Variants in ZNF625 observed in about 807,000 individuals in gnomAD.
ZNF625 encodes the protein zinc finger protein 625.
In ZNF625, 8 loss-of-function variants were observed where a neutral mutation model predicts 11.1. The observed-to-expected ratio is 0.72, with a 90% confidence interval of 0.42 to 1.30. The LOEUF (loss-of-function observed/expected upper bound fraction) is 1.30, where lower values mean the gene tolerates loss of function less well. Among genes scored for constraint, ZNF625 ranks in the 50% most tolerant of loss-of-function variants. The probability of loss-of-function intolerance (pLI) is 0.01; values close to 1 mark genes in which losing one functional copy is unlikely to be tolerated. For synonymous variants in ZNF625, 145 were observed against 153.4 expected (o/e 0.95, Z 0.41); for missense variants, 349 against 447.6 (o/e 0.78, Z 1.99).
At chr19:12,154,938 G>A (rs1599444729) in intron 1 of ZNF625, among the ~76,000 whole-genome samples, 3 of 152,094 alleles carry the variant, frequency 2.0e-5, no homozygotes, top group East Asian at 3.9e-4. Context: ...CAAAGAGGCC[G>A]GGCACAGTGG....
In ZNF625 at chr19:12,156,655, C is replaced by A. The variant is rs1408746701; in HGVS notation, c.-97G>T. The A allele has an allele frequency of 6.8e-6, 8 of 1,172,316 alleles. No homozygotes were observed. Among genetic ancestry groups the A allele is most frequent in the Non-Finnish European group, 6.5e-6 (6 of 928,348 alleles). 72.6% of individuals were successfully genotyped at this position (1,172,316 alleles called of 1,614,324 possible). A position where few individuals can be genotyped will look rare whatever the true frequency, so the allele number is the denominator to read the frequency against. On this transcript the variant is annotated 5_prime_UTR_variant, in exon 1 of 4. Transcript: ENST00000439556. ...GGAGCGACAGAAGCTATGGCGGAGG[C>A]ACCTGGTCCCTCTCGGGGCCGGAAA...
At chr19:12,156,177 G>A (rs950211519) in intron 1 of ZNF625, among the ~76,000 whole-genome samples, 4 of 152,030 alleles carry the variant, frequency 2.6e-5, no homozygotes, top group African/African-American at 9.7e-5. Flanking sequence ...GGGGGGACTG[G>A]GGACCCCGCA....
At chr19:12,149,283 C>CAA (rs747461916) in intron 1 of ZNF625, among the ~76,000 whole-genome samples, 14,227 of 64,192 alleles carry the variant, frequency 0.22, 1,720 homozygotes, top group African/African-American at 0.35. Context: ...GACTCAGTCT[C>CAA]AAAAAAAAAA....
At chr19:12,149,283 C>CAAAAAAAA (rs747461916) in intron 1 of ZNF625, among the ~76,000 whole-genome samples, 1 of 64,428 alleles carries the variant, frequency 1.6e-5, no homozygotes. Flanking sequence ...GACTCAGTCT[C>CAAAAAAAA]AAAAAAAAAA....
intron 1 of ZNF625, among the ~76,000 whole-genome samples, chr19:12,149,277 C>A: frequency 8.9e-6 from 1 of 111,878 alleles, no homozygotes; most frequent in Non-Finnish European, 1.6e-5. Context: ...GAGCAAGACT[C>A]AGTCTCAAAA....
chr19:12,146,427 T>G (rs118121483), intron 3 of ZNF625, among the ~76,000 whole-genome samples: 167 of 152,220 alleles, frequency 1.1e-3, no homozygotes, highest in Middle Eastern at 3.4e-3. Flanking sequence ...ATATAGGGCT[T>G]CTTAGTACTT....
At chr19:12,153,968 C>T (rs542666921) in intron 1 of ZNF625, among the ~76,000 whole-genome samples, 19 of 151,330 alleles carry the variant, frequency 1.3e-4, no homozygotes, top group Middle Eastern at 3.4e-3. Context: ...CCGCCATGTC[C>T]GGCTAATTTT....
rs774248305 is a variant in ZNF625 at position 12,145,270 on chromosome 19, C to T, written c.*27G>A. ...AACACATTTTTACCATGATTGGATT[C>T]GGTGGCTTCTAGGAATCTTATGTGA... is the stretch of plus-strand genomic sequence containing the variant. On this transcript the variant is annotated 3_prime_UTR_variant, in exon 4 of 4. Coordinates refer to ENST00000439556, the MANE Select transcript of ZNF625 (RefSeq NM_145233.4). 19 of 1,552,946 alleles carry T rather than the reference C, an allele frequency of 1.2e-5. No homozygotes were observed. Among genetic ancestry groups the T allele is most frequent in the South Asian group, 7.4e-5 (6 of 80,638 alleles).
At position 12,145,482 on chromosome 19, in the gene ZNF625, A is replaced by G. The variant is rs1976855447; in HGVS notation, c.934T>C (p.Phe312Leu). ...GTTCGAAGGTGCGAGGCAGATCTGA[A>G]GGCTTTCCCACATTGCTTACATTCA... is the stretch of plus-strand genomic sequence containing the variant. ...PYECKQCGKA[F>L]RSASHLRTHG... The change falls in exon 4 of 4, where the codon TTC becomes CTC. Residue 312 changes from phenylalanine (F) to leucine (L), a missense_variant. Phe to Leu is a conservative substitution (Grantham distance 22). Coordinates refer to ENST00000439556, the MANE Select transcript of ZNF625 (RefSeq NM_145233.4). 2 of 1,614,000 alleles carry G rather than the reference A, an allele frequency of 1.2e-6. No individual in the cohort carries two copies. The highest frequency in any genetic ancestry group is 2.7e-5 in the African/African-American group (2 of 74,914).
intron 1 of ZNF625, among the ~76,000 whole-genome samples, chr19:12,152,216 T>C (rs1039975612): frequency 1.3e-5 from 2 of 152,122 alleles, no homozygotes; most frequent in Non-Finnish European, 2.9e-5. Flanking sequence ...ATACTGTATA[T>C]AAATGCAACA....
intron 1 of ZNF625, among the ~76,000 whole-genome samples, chr19:12,155,781 T>G (rs1351130294): frequency 6.6e-6 from 1 of 152,204 alleles, no homozygotes; most frequent in Non-Finnish European, 1.5e-5. Flanking sequence ...ATTCATTTTT[T>G]TCAAACTCCT....
At position 12,146,211 on chromosome 19, in the gene ZNF625, C is replaced by T. The variant is rs1279132947; in HGVS notation, c.205G>A (p.Glu69Lys). The change falls in exon 4 of 4, where the codon GAG becomes AAG. Residue 69 changes from glutamate (E) to lysine (K), a missense_variant. Transcript: ENST00000439556. ...PRRNLRGLMG[E>K]RLLESKKDHQ... is the part of the protein sequence containing the mutation. The stretch of plus-strand genomic sequence containing the variant: ...TCTTTCTTACTTTCTAAGAGTCTCT[C>T]TCCCATAAGACCTCTGTGAACAATG... 1 of 1,613,648 alleles carries T rather than the reference C, an allele frequency of 6.2e-7. No individual in the cohort carries two copies. Among genetic ancestry groups the T allele is most frequent in the East Asian group, 2.2e-5 (1 of 44,890 alleles).
Position 12,147,400 on chromosome 19 carries a change from G to C in ZNF625, c.186C>G (p.Asn62Lys), listed in dbSNP as rs758716530. ...IEDEYKNPRR[N>K]LRGLMGERLL... ...CTCTTGTGAATGCGAATTACCTTAGGTTTCTCCTGGGATTTTTGTACTCAT... is the reference window on the plus strand; with the variant it reads ...CTCTTGTGAATGCGAATTACCTTAGCTTTCTCCTGGGATTTTTGTACTCAT... The change falls in exon 3 of 4, where the codon AAC (asparagine) becomes AAG (lysine). Residue 62 changes from asparagine to lysine, a missense_variant. Transcript: ENST00000439556. 24 of 1,535,166 alleles carry C rather than the reference G, an allele frequency of 1.6e-5. No individual in the cohort carries two copies. Among genetic ancestry groups the C allele is most frequent in the Non-Finnish European group, 2.1e-5 (24 of 1,144,964 alleles).
chr19:12,155,293 G>A (rs78481833), intron 1 of ZNF625, among the ~76,000 whole-genome samples: 4,526 of 151,732 alleles, frequency 0.03, 137 homozygotes, highest in Admixed American at 0.087. Flanking sequence ...AAGACCTAAG[G>A]CCATGCAAGG....
In ZNF625 at chr19:12,145,124, C is replaced by T; in HGVS notation, c.*173G>A. 1.4e-6 allele frequency: 1 copy of T among 710,710 alleles called. No individual in the cohort carries two copies. The highest frequency in any genetic ancestry group is 2.4e-6 in the Non-Finnish European group (1 of 416,972). The allele number at this position is 710,710 out of a possible 1,614,324, so 44.0% of individuals were successfully genotyped here. A position where few individuals can be genotyped will look rare whatever the true frequency, so the allele number is the denominator to read the frequency against. ...CCTAGGTATCTGAGTGAGGCCCCAG[C>T]TAAACTACTCCCAAAAATTTTTGCT... is the stretch of plus-strand genomic sequence containing the variant. On this transcript the variant is annotated 3_prime_UTR_variant, in exon 4 of 4. Coordinates refer to ENST00000439556, the MANE Select transcript of ZNF625 (RefSeq NM_145233.4).
Position 12,146,240 on chromosome 19 carries a change from AGTATAT to A in ZNF625, c.192-22_192-17del. The A allele has an allele frequency of 6.2e-7, 1 of 1,603,864 alleles. No homozygotes were observed. Among genetic ancestry groups the A allele is most frequent in the Non-Finnish European group, 8.5e-7 (1 of 1,175,344 alleles). ...CATAAGACCTCTGTGAACAATGAGA[AGTATAT>A]CATAATGGGTTCCTTTATCACTGAT... On this transcript the variant is annotated splice_polypyrimidine_tract_variant and intron_variant, in intron 3 of 3. Coordinates refer to ENST00000439556, the MANE Select transcript of ZNF625 (RefSeq NM_145233.4).
chr19:12,146,852 G>A (rs946568285), intron 3 of ZNF625, among the ~76,000 whole-genome samples: 4 of 152,152 alleles, frequency 2.6e-5, no homozygotes, highest in Non-Finnish European at 5.9e-5. Context: ...TCATGGCCGA[G>A]TGTAGCCTCA....
In ZNF625 at chr19:12,145,939, C is replaced by T. The variant is rs376100736; in HGVS notation, c.477G>A (p.Gly159=). The T allele has an allele frequency of 3.1e-6, 5 of 1,613,948 alleles. No individual in the cohort carries two copies. The highest frequency in any genetic ancestry group is 2.7e-5 in the African/African-American group (2 of 74,882). Residue 159 remains glycine (G), a synonymous_variant, in exon 4 of 4, where the codon GGG becomes GGA. Transcript: ENST00000439556. The part of the protein sequence containing the change: ...YFRTHEWAHT[G]GKPYDCEECG... The stretch of plus-strand genomic sequence containing the variant: ...ATTCCTCACAATCATAAGGTTTCCC[C>T]CCAGTGTGAGCCCATTCATGTGTTC...
intron 1 of ZNF625, among the ~76,000 whole-genome samples, chr19:12,148,032 T>C (rs1232796369): frequency 6.6e-6 from 1 of 152,130 alleles, no homozygotes; most frequent in Non-Finnish European, 1.5e-5. Flanking sequence ...CAAGTGGGAG[T>C]GCAGTGGCAT....
Sources: gnomAD v4.1 joint callset for allele counts (sites outside exome capture counted in the v4.1 genomes callset) on GRCh38, gnomAD v4.1.1 for gene constraint, MANE v1.5 for transcripts, NCBI Gene and HGNC (gene_info 2026-07-23, HGNC 2026-07-21) for gene names.